RSRC1: variants seen among roughly 807,000 people sequenced by gnomAD.
The protein encoded by RSRC1 is arginine and serine rich coiled-coil 1.
In RSRC1, 39 loss-of-function variants were observed where a neutral mutation model predicts 49.1. The observed-to-expected ratio is 0.79, with a 90% confidence interval of 0.61 to 1.04. The LOEUF (loss-of-function observed/expected upper bound fraction) is 1.04. RSRC1 is among the 50% of genes least tolerant of loss of function. RSRC1 has a pLI of 0.00. For synonymous variants in RSRC1, 143 were observed against 130.8 expected (o/e 1.09, Z -0.63); for missense variants, 388 against 402.4 (o/e 0.96, Z 0.31).
chr3:158,309,375 AAATT>A (rs1208790283), intron 5 of RSRC1, among the ~76,000 whole-genome samples: 1 of 151,864 alleles, frequency 6.6e-6, no homozygotes, highest in Non-Finnish European at 1.5e-5. Flanking sequence ...TCAAGTCCTC[AAATT>A]AATTCATTCT....
intron 2 of RSRC1, among the ~76,000 whole-genome samples, chr3:158,123,056 G>A (rs185764621): frequency 6.6e-6 from 1 of 152,178 alleles, no homozygotes; most frequent in African/African-American, 2.4e-5. Flanking sequence ...TTGTTGTCCA[G>A]GCTGGAGTAC....
chr3:158,263,616 T>C (rs1725015519), intron 4 of RSRC1, among the ~76,000 whole-genome samples: 1 of 152,214 alleles, frequency 6.6e-6, no homozygotes, highest in Admixed American at 6.5e-5. Context: ...TTATTAAATG[T>C]TTGGTAAAAC....
chr3:158,202,445 G>T (rs1721097695), intron 3 of RSRC1, among the ~76,000 whole-genome samples: 1 of 151,174 alleles, frequency 6.6e-6, no homozygotes, highest in African/African-American at 2.4e-5. Flanking sequence ...TCTCAGTGGT[G>T]GCAGAGATGG....
intron 6 of RSRC1, among the ~76,000 whole-genome samples, chr3:158,364,296 A>G (rs79859983): frequency 0.018 from 1,682 of 94,212 alleles, 42 homozygotes; most frequent in African/African-American, 0.047. Flanking sequence ...ACCACTCACT[A>G]TCTATGGCTC....
intron 3 of RSRC1, among the ~76,000 whole-genome samples, chr3:158,165,632 G>A (rs1326000531): frequency 1.3e-5 from 2 of 152,194 alleles, no homozygotes; most frequent in East Asian, 1.9e-4. Flanking sequence ...TAGTCCAAGC[G>A]AAGTTTTGCT....
chr3:158,252,165 T>TC (rs1191343607), intron 4 of RSRC1, among the ~76,000 whole-genome samples: 1 of 151,952 alleles, frequency 6.6e-6, no homozygotes, highest in Non-Finnish European at 1.5e-5. Flanking sequence ...GAATGATTTT[T>TC]TTTTTTTTTT....
At chr3:158,157,875 A>G (rs973936176) in intron 3 of RSRC1, among the ~76,000 whole-genome samples, 3 of 152,106 alleles carry the variant, frequency 2.0e-5, no homozygotes, top group African/African-American at 7.2e-5. Flanking sequence ...AGATCACACC[A>G]TTGCACCCCA....
intron 7 of RSRC1, among the ~76,000 whole-genome samples, chr3:158,515,860 C>T (rs868286203): frequency 4.5e-4 from 69 of 152,190 alleles, no homozygotes; most frequent in Middle Eastern, 3.4e-3. Context: ...CATCTTCCAT[C>T]GCTGATACCC....
Position 158,123,901 on chromosome 3 carries a change from G to A in RSRC1, c.230G>A (p.Gly77Asp), listed in dbSNP as rs781568211. ...RHRSSSSSSY[G>D]SRRKRSRSRS... ...CGATCAAGCAGTAGCTCTTCTTATG[G>A]CTCCAGAAGGAAACGAAGTCGAAGT... Residue 77 changes from glycine to aspartate, a missense_variant, in exon 3 of 10, where the codon GGC (glycine) becomes GAC (aspartate). Transcript: ENST00000611884. 2 of 1,612,106 alleles carry A rather than the reference G, an allele frequency of 1.2e-6. No homozygotes were observed. Among genetic ancestry groups the A allele is most frequent in the Middle Eastern group, 1.7e-4 (1 of 6,052 alleles).
At chr3:158,282,256 A>G (rs1439156323) in intron 4 of RSRC1, among the ~76,000 whole-genome samples, 1 of 152,220 alleles carries the variant, frequency 6.6e-6, no homozygotes, top group Non-Finnish European at 1.5e-5. Context: ...AGGGCAATGC[A>G]TTTGACCTTG....
rs544849047 is a variant in RSRC1, at chr3:158,321,614, T to C, written c.531+23539T>C. 8.6e-5 allele frequency among the ~76,000 whole-genome samples: 13 copies of C among 151,572 alleles called. No individual in the cohort carries two copies. The South Asian group carries it at 2.7e-3, about 32-fold the overall frequency. ...ATTTATATGTATTATATATGAGTGA[T>C]AGTCTGACTGTATTAAGTTGGTGCA... On this transcript the variant is annotated intron_variant, in intron 5 of 9. Transcript: ENST00000611884.
chr3:158,203,120 G>T lies in RSRC1; in HGVS notation c.369G>T (p.Arg123Ser). ...RLRSHSRSSERSSHRRTRSRS... is the reference protein window; with the variant it reads ...RLRSHSRSSESSSHRRTRSRS... ...GTTCTCATAGTCGTAGCAGTGAAAG[G>T]TCCAGTCACAGAAGAACGCGTAGTC... The change falls in exon 4 of 10, where the codon AGG becomes AGT. Residue 123 changes from arginine (R) to serine (S), a missense_variant. By Grantham distance (110) the Arg-to-Ser change is moderately radical. Coordinates refer to ENST00000611884, the MANE Select transcript of RSRC1 (RefSeq NM_001271838.2). 2.5e-6 allele frequency: 4 copies of T among 1,613,798 alleles called. No individual in the cohort carries two copies. Among genetic ancestry groups the T allele is most frequent in the Non-Finnish European group, 3.4e-6 (4 of 1,179,820 alleles).
intron 7 of RSRC1, among the ~76,000 whole-genome samples, chr3:158,500,655 G>A (rs1037696392): frequency 6.6e-6 from 1 of 152,062 alleles, no homozygotes; most frequent in Non-Finnish European, 1.5e-5. Flanking sequence ...ACATAAAGGT[G>A]TTCATAGTAG....
chr3:158,543,634 G>C (rs1713162321), intron 9 of RSRC1, 147 bp downstream of exon 9: 1 of 750,048 alleles, frequency 1.3e-6, no homozygotes, highest in South Asian at 2.4e-5. Context: ...CTGGCCCCCA[G>C]GCCTTTAGAA....
chr3:158,131,042 G>A (rs895864980), intron 3 of RSRC1, among the ~76,000 whole-genome samples: 5 of 152,148 alleles, frequency 3.3e-5, no homozygotes, highest in Middle Eastern at 3.4e-3. Context: ...AGTGATGAAC[G>A]TGGGCAAACT....
At chr3:158,294,223 T>C (rs543075088) in intron 4 of RSRC1, among the ~76,000 whole-genome samples, 1 of 152,206 alleles carries the variant, frequency 6.6e-6, no homozygotes, top group South Asian at 2.1e-4. Flanking sequence ...CCCCTCCCTA[T>C]GCCTTCTGCA....
At chr3:158,383,771 G>A (rs1448326722) in intron 6 of RSRC1, among the ~76,000 whole-genome samples, 1 of 152,050 alleles carries the variant, frequency 6.6e-6, no homozygotes, top group Non-Finnish European at 1.5e-5. Flanking sequence ...CAGTATACAA[G>A]TTTATAATGC....
At chr3:158,253,986 A>G (rs747353056) in intron 4 of RSRC1, among the ~76,000 whole-genome samples, 1 of 152,022 alleles carries the variant, frequency 6.6e-6, no homozygotes, top group Non-Finnish European at 1.5e-5. Context: ...TCATTGTTCA[A>G]TTCCCAACTG....
intron 6 of RSRC1, among the ~76,000 whole-genome samples, chr3:158,432,616 G>A (rs1209127752): frequency 6.6e-6 from 1 of 151,964 alleles, no homozygotes; most frequent in Non-Finnish European, 1.5e-5. Flanking sequence ...TTGAATTGAG[G>A]TTAGCTTTCG....
Sources: gnomAD v4.1 joint callset for allele counts (sites outside exome capture counted in the v4.1 genomes callset) on GRCh38, gnomAD v4.1.1 for gene constraint, MANE v1.5 for transcripts, NCBI Gene and HGNC (gene_info 2026-07-23, HGNC 2026-07-21) for gene names.